PARM1: variants seen among roughly 807,000 people sequenced by gnomAD.
The protein encoded by PARM1 is prostate androgen-regulated mucin-like protein 1.
A neutral mutation model predicts 24.6 loss-of-function variants in PARM1; 14 were observed. The observed-to-expected ratio is 0.57, with a 90% CI of 0.38 to 0.89. The LOEUF is 0.89. Ranked by LOEUF, PARM1 falls within the 40% of genes least tolerant of loss-of-function variation. The pLI is 0.00. For synonymous variants in PARM1, 179 were observed against 156.6 expected, an observed-to-expected ratio of 1.14 and a Z score of -1.07; for missense variants, 362 against 380.4, an observed-to-expected ratio of 0.95 and a Z score of 0.40.
chr4:75,030,951 G>A (rs1405029837), intron 2 of PARM1, among the ~76,000 whole-genome samples: 1 of 152,224 alleles, frequency 6.6e-6, no homozygotes, highest in Non-Finnish European at 1.5e-5. Flanking sequence ...AGGGGGAAAT[G>A]GCATTTGTTT....
chr4:74,949,337 G>GAGAT (rs1415867873), intron 1 of PARM1, among the ~76,000 whole-genome samples: 1 of 151,906 alleles, frequency 6.6e-6, no homozygotes, highest in African/African-American at 2.4e-5. Context: ...TCTTTTTTTT[G>GAGAT]AGATGGAGTC....
intron 1 of PARM1, chr4:74,957,335 C>T (rs969645185): frequency 2.0e-5 from 3 of 152,168 alleles, no homozygotes; most frequent in Admixed American, 1.3e-4. Context: ...TTCAGCACGT[C>T]TTATCTGGGC....
intron 3 of PARM1, among the ~76,000 whole-genome samples, chr4:75,035,355 G>A (rs944126974): frequency 3.3e-5 from 5 of 152,130 alleles, no homozygotes; most frequent in African/African-American, 9.7e-5. Flanking sequence ...GGACCAAGAC[G>A]GTGCTTGATA....
intron 1 of PARM1, among the ~76,000 whole-genome samples, chr4:74,997,280 C>T (rs1388751649): frequency 6.6e-6 from 1 of 152,190 alleles, no homozygotes; most frequent in Non-Finnish European, 1.5e-5. Context: ...ACACCCATTT[C>T]CTTCTGAGTA....
At chr4:74,953,499 C>G (rs911172154) in intron 1 of PARM1, among the ~76,000 whole-genome samples, 2 of 152,180 alleles carry the variant, frequency 1.3e-5, no homozygotes, top group Non-Finnish European at 2.9e-5. Context: ...TCTGCCAAAG[C>G]AATGTGGCAA....
chr4:75,045,727 A>G (rs1723589199), intron 3 of PARM1, among the ~76,000 whole-genome samples: 1 of 152,230 alleles, frequency 6.6e-6, no homozygotes, highest in African/African-American at 2.4e-5. Flanking sequence ...TTATAAGACA[A>G]TATAAATGTC....
chr4:75,021,065 C>T (rs570397988), intron 2 of PARM1, among the ~76,000 whole-genome samples: 3 of 152,288 alleles, frequency 2.0e-5, no homozygotes, highest in African/African-American at 7.2e-5. Context: ...CAAATATATT[C>T]CCAGCACCTA....
intron 1 of PARM1, among the ~76,000 whole-genome samples, chr4:74,933,716 G>A (rs943778090): frequency 6.6e-6 from 1 of 152,212 alleles, no homozygotes; most frequent in Non-Finnish European, 1.5e-5. Context: ...AGCGCACTCT[G>A]CCAAAGTACG....
At chr4:74,933,519 T>C (rs1721112409) in intron 1 of PARM1, 149 bp downstream of exon 1, 2 of 690,396 alleles carry the variant, frequency 2.9e-6, no homozygotes, top group African/African-American at 3.6e-5. Flanking sequence ...AGATTTGGGG[T>C]GACGTGCACC....
chr4:75,036,183 G>A (rs1723367130), intron 3 of PARM1, among the ~76,000 whole-genome samples: 1 of 152,204 alleles, frequency 6.6e-6, no homozygotes, highest in African/African-American at 2.4e-5. Context: ...CTTCACTGAA[G>A]TGTGGAGTGA....
chr4:75,049,866 C>CTT lies in PARM1; in HGVS notation c.*3632_*3633dup, dbSNP rs200170376. 115 of 134,250 alleles carry CTT rather than the reference C, an allele frequency of 8.6e-4. No individual in the cohort carries two copies. The highest frequency in any genetic ancestry group is 2.6e-3 in the African/African-American group (95 of 36,334). 8.3% of individuals were successfully genotyped at this position (134,250 alleles called of 1,614,324 possible). A position where few individuals can be genotyped will look rare whatever the true frequency, so the allele number is the denominator to read the frequency against. On this transcript the variant is annotated 3_prime_UTR_variant, in exon 4 of 4. Coordinates refer to ENST00000307428, the MANE Select transcript of PARM1 (RefSeq NM_015393.4). ...TTCTTTGCCTTTAAGCCTTTTTTTT[C>CTT]TTTTTTTTTTTTTTGGCAAATGAAT...
rs78686248 is a variant in PARM1, at chr4:74,944,243, C to T, written c.43+10873C>T. ...ATGAGCTTAAAAAATAACATGCTTG[C>T]CTTGCAGCCTTAGCAATCGTGGTAA... On this transcript the variant is annotated intron_variant, in intron 1 of 3. Transcript: ENST00000307428. Among the ~76,000 whole-genome samples the T allele has an allele frequency of 4.4e-3, 675 of 152,288 alleles. 10 individuals are homozygous for T. The East Asian group carries it at 0.055, about 12-fold the overall frequency.
chr4:75,006,961 T>C (rs1722780653), intron 1 of PARM1, among the ~76,000 whole-genome samples: 1 of 152,102 alleles, frequency 6.6e-6, no homozygotes, highest in African/African-American at 2.4e-5. Flanking sequence ...GAGAAAATTT[T>C]TGCGATCTAC....
intron 1 of PARM1, among the ~76,000 whole-genome samples, chr4:74,938,417 A>G (rs1320645230): frequency 6.6e-6 from 1 of 152,228 alleles, no homozygotes; most frequent in Admixed American, 6.5e-5. Flanking sequence ...TGGGCACATT[A>G]GTTTATAAAT....
At chr4:75,036,002 T>C (rs1723360531) in intron 3 of PARM1, among the ~76,000 whole-genome samples, 1 of 152,232 alleles carries the variant, frequency 6.6e-6, no homozygotes, top group African/African-American at 2.4e-5. Flanking sequence ...ACGAGTTAAA[T>C]TGGCTTTTAT....
At chr4:74,948,995 C>T (rs1383146895) in intron 1 of PARM1, among the ~76,000 whole-genome samples, 1 of 151,958 alleles carries the variant, frequency 6.6e-6, no homozygotes, top group East Asian at 1.9e-4. Context: ...GCACTCCAGC[C>T]TCGGCGACAG....
At chr4:74,966,247 G>A (rs529653214) in intron 1 of PARM1, among the ~76,000 whole-genome samples, 5 of 152,218 alleles carry the variant, frequency 3.3e-5, no homozygotes, top group South Asian at 2.1e-4. Context: ...GTTTTAATAC[G>A]TCTTAAAATG....
intron 1 of PARM1, chr4:74,994,141 G>T (rs1182440898): frequency 6.6e-6 from 1 of 152,134 alleles, no homozygotes; most frequent in Non-Finnish European, 1.5e-5. Context: ...TAGAAGGAAA[G>T]AACATTGAGC....
At chr4:75,012,255 G>A (rs963096343) in intron 1 of PARM1, among the ~76,000 whole-genome samples, 170 bp from the exon 2 acceptor site, 1 of 152,140 alleles carries the variant, frequency 6.6e-6, no homozygotes, top group African/African-American at 2.4e-5. Flanking sequence ...AGAGAAATTG[G>A]TGGGAAGAAA....
Sources: gnomAD v4.1 joint callset for allele counts (sites outside exome capture counted in the v4.1 genomes callset) on GRCh38, gnomAD v4.1.1 for gene constraint, MANE v1.5 for transcripts, NCBI Gene and HGNC (gene_info 2026-07-23, HGNC 2026-07-21) for gene names.